The following RABGAP1L variants were observed in gnomAD, a reference collection of about 807,000 sequenced individuals.
The protein encoded by RABGAP1L is rab GTPase-activating protein 1-like.
In RABGAP1L, 63 loss-of-function variants were observed where a neutral mutation model predicts 137.7. That is an observed-to-expected ratio of 0.46 (90% CI 0.37 to 0.56). The LOEUF (loss-of-function observed/expected upper bound fraction) is 0.56. RABGAP1L is among the 20% of genes least tolerant of loss of function. The pLI, the probability that RABGAP1L is intolerant of heterozygous loss-of-function variation, is 0.00. For synonymous variants in RABGAP1L, 431 were observed against 433.7 expected (o/e 0.99, Z 0.08); for missense variants, 1,095 against 1,244.0 (o/e 0.88, Z 1.80).
intron 17 of RABGAP1L, among the ~76,000 whole-genome samples, chr1:174,727,807 ATG>A (rs1355466752): frequency 4.6e-5 from 7 of 152,230 alleles, no homozygotes; most frequent in African/African-American, 1.7e-4. Flanking sequence ...CACAATTATT[ATG>A]TGTTACTTAA....
chr1:174,363,383 C>T (rs1157196843), intron 11 of RABGAP1L, among the ~76,000 whole-genome samples: 1 of 152,140 alleles, frequency 6.6e-6, no homozygotes, highest in African/African-American at 2.4e-5. Context: ...GCAGTTTGGC[C>T]ATTTTCACAA....
intron 13 of RABGAP1L, among the ~76,000 whole-genome samples, chr1:174,554,992 C>T (rs1194382976): frequency 6.8e-6 from 1 of 147,982 alleles, no homozygotes; most frequent in Admixed American, 6.7e-5. Flanking sequence ...AGGTTTCCAA[C>T]AGTTAGAATA....
intron 13 of RABGAP1L, among the ~76,000 whole-genome samples, chr1:174,551,021 T>TATATACACAC (rs1553330343): frequency 1.6e-5 from 2 of 122,796 alleles, no homozygotes; most frequent in East Asian, 2.1e-4. Flanking sequence ...TATATATATA[T>TATATACACAC]ACATACACAC....
chr1:174,538,562 C>G (rs1469786863), intron 13 of RABGAP1L, among the ~76,000 whole-genome samples: 1 of 152,138 alleles, frequency 6.6e-6, no homozygotes, highest in Non-Finnish European at 1.5e-5. Flanking sequence ...ACCATGTACT[C>G]TTTGAACTGC....
At chr1:174,713,274 A>G (rs1680727235) in intron 17 of RABGAP1L, among the ~76,000 whole-genome samples, 1 of 152,170 alleles carries the variant, frequency 6.6e-6, no homozygotes, top group Non-Finnish European at 1.5e-5. Flanking sequence ...ATTCCCATGC[A>G]TGTCTGTTTT....
chr1:174,452,287 TAG>T (rs1655534177), intron 13 of RABGAP1L, among the ~76,000 whole-genome samples: 1 of 152,214 alleles, frequency 6.6e-6, no homozygotes, highest in African/African-American at 2.4e-5. Context: ...TCTAGAGTTA[TAG>T]AGTGTTGGAA....
intron 25 of RABGAP1L, 26 bp from the exon 26 acceptor site, chr1:174,989,822 CT>C (rs1671936752): frequency 1.3e-6 from 2 of 1,543,940 alleles, no homozygotes; most frequent in Admixed American, 4.0e-5. Context: ...ATTTATTTAA[CT>C]CAGATGATTT....
At chr1:174,682,610 A>G (rs1255972521) in intron 14 of RABGAP1L, among the ~76,000 whole-genome samples, 4 of 152,114 alleles carry the variant, frequency 2.6e-5, no homozygotes, top group African/African-American at 9.7e-5. Context: ...CACTCTACCT[A>G]CTGTAACTGA....
intron 13 of RABGAP1L, among the ~76,000 whole-genome samples, chr1:174,600,375 C>G (rs951541057): frequency 1.3e-5 from 2 of 152,194 alleles, no homozygotes; most frequent in Admixed American, 6.5e-5. Flanking sequence ...GCCTTCCCAA[C>G]AGTCCCGCAA....
At chr1:174,836,051 T>C (rs1692717060) in intron 19 of RABGAP1L, among the ~76,000 whole-genome samples, 1 of 152,210 alleles carries the variant, frequency 6.6e-6, no homozygotes, top group Non-Finnish European at 1.5e-5. Flanking sequence ...AAAAATAAAC[T>C]ATTATTTTAA....
intron 21 of RABGAP1L, 145 bp downstream of exon 21, chr1:174,969,532 A>G (rs935399060): frequency 6.2e-6 from 4 of 646,392 alleles, no homozygotes; most frequent in Non-Finnish European, 1.1e-5. Context: ...ATTGGAGACC[A>G]TGGAAAACAT....
At chr1:174,622,392 G>A (rs907820911) in intron 13 of RABGAP1L, among the ~76,000 whole-genome samples, 2 of 152,178 alleles carry the variant, frequency 1.3e-5, no homozygotes, top group African/African-American at 4.8e-5. Context: ...ATGGTGTAAA[G>A]ACACATGCAC....
chr1:174,610,507 A>G (rs1174670826), intron 13 of RABGAP1L, among the ~76,000 whole-genome samples: 2 of 152,146 alleles, frequency 1.3e-5, no homozygotes, highest in East Asian at 1.9e-4. Flanking sequence ...ATAGTGGACA[A>G]TAAACATACG....
At chr1:174,677,938 A>G (rs905503197) in intron 14 of RABGAP1L, among the ~76,000 whole-genome samples, 8 of 152,282 alleles carry the variant, frequency 5.3e-5, no homozygotes, top group Middle Eastern at 3.4e-3. Context: ...TAGAAAATGT[A>G]TTTAAAAAAG....
chr1:174,874,516 A>T, intron 19 of RABGAP1L: 1 of 978,678 alleles, frequency 1.0e-6, no homozygotes, highest in Non-Finnish European at 1.2e-6. Context: ...GGTAAGTTTT[A>T]GCTTCAAATG....
intron 21 of RABGAP1L, 70 bp downstream of exon 21, chr1:174,969,457 C>T (rs1669945702): frequency 3.4e-6 from 4 of 1,163,610 alleles, no homozygotes; most frequent in Non-Finnish European, 5.0e-6. Context: ...TCACCGCCCC[C>T]ACAAACTTGC....
chr1:174,687,040 GTTCAGTGAGAAGAA>G (rs1374565371), intron 15 of RABGAP1L, among the ~76,000 whole-genome samples: 1 of 152,010 alleles, frequency 6.6e-6, no homozygotes, highest in Non-Finnish European at 1.5e-5. Flanking sequence ...ATTTATTAAT[GTTCAGTGAGAAGAA>G]TATCTCTCTG....
At chr1:174,402,516 CTT>C (rs1648724147) in intron 13 of RABGAP1L, among the ~76,000 whole-genome samples, 1 of 152,128 alleles carries the variant, frequency 6.6e-6, no homozygotes, top group East Asian at 1.9e-4. Context: ...CAAGTCATCT[CTT>C]TTAAGATGAG....
At chr1:174,824,556 G>C (rs16847505) in intron 19 of RABGAP1L, among the ~76,000 whole-genome samples, 1,728 of 152,146 alleles carry the variant, frequency 0.011, 37 homozygotes, top group African/African-American at 0.037. Flanking sequence ...ACATTAGGAA[G>C]GTTGGGCCAT....
Sources: allele counts gnomAD v4.1 joint callset (sites outside exome capture counted in the v4.1 genomes callset), GRCh38; gene constraint gnomAD v4.1.1; transcripts MANE v1.5; gene names NCBI Gene and HGNC (gene_info 2026-07-23, HGNC 2026-07-21).